Variants in PTPRD observed in about 807,000 individuals in gnomAD.
PTPRD encodes protein tyrosine phosphatase receptor type D.
Under a neutral mutation model 214.5 loss-of-function variants are expected in PTPRD, and 34 were observed. That is an observed-to-expected ratio of 0.16 (90% CI 0.12 to 0.21). PTPRD has a LOEUF of 0.21. Among genes scored for constraint, PTPRD ranks in the 10% least tolerant of loss-of-function variants. The probability of loss-of-function intolerance (pLI) is 1.00; values close to 1 mark genes in which losing one functional copy is unlikely to be tolerated. For missense variants in PTPRD, 2,545 were observed against 2,398.7 expected, an observed-to-expected ratio of 1.06 and a Z score of -1.27; for synonymous variants, 1,128 against 845.7, an observed-to-expected ratio of 1.33 and a Z score of -5.79.
intron 3 of PTPRD, among the ~76,000 whole-genome samples, chr9:10,292,875 T>C (rs2095569356): frequency 1.3e-5 from 2 of 152,038 alleles, no homozygotes; most frequent in South Asian, 2.1e-4. Flanking sequence ...ATAATGTGTG[T>C]ATATAAATTA....
At chr9:8,950,751 C>G (rs2099097307) in intron 11 of PTPRD, among the ~76,000 whole-genome samples, 1 of 150,358 alleles carries the variant, frequency 6.7e-6, no homozygotes, top group Admixed American at 6.6e-5. Context: ...AAGAGCGATT[C>G]CTGACCCACT....
chr9:9,796,528 A>T (rs1256005568), intron 5 of PTPRD, among the ~76,000 whole-genome samples: 1 of 152,164 alleles, frequency 6.6e-6, no homozygotes, highest in Non-Finnish European at 1.5e-5. Flanking sequence ...AAAGTAGATG[A>T]GAATTCTCAG....
intron 9 of PTPRD, among the ~76,000 whole-genome samples, chr9:9,221,795 G>A (rs569064576): frequency 1.3e-5 from 2 of 151,930 alleles, no homozygotes; most frequent in African/African-American, 2.4e-5. Context: ...AATCTGTCAC[G>A]TGTAGCAGAA....
chr9:10,511,090 C>A (rs1363286176), intron 2 of PTPRD, among the ~76,000 whole-genome samples: 1 of 152,104 alleles, frequency 6.6e-6, no homozygotes, highest in Non-Finnish European at 1.5e-5. Context: ...GTGTGAACAA[C>A]AGTGTATCCT....
At chr9:8,334,571 C>A (rs1344492558) in intron 43 of PTPRD, among the ~76,000 whole-genome samples, 3 of 132,520 alleles carry the variant, frequency 2.3e-5, no homozygotes, top group East Asian at 2.0e-4. Context: ...GCACTAAATG[C>A]CCACAAGAGA....
chr9:10,080,165 G>A (rs980052655), intron 3 of PTPRD, among the ~76,000 whole-genome samples: 2 of 152,074 alleles, frequency 1.3e-5, no homozygotes, highest in African/African-American at 2.4e-5. Context: ...CTCTGTAACA[G>A]CCTGACAGCA....
At chr9:8,857,012 GA>G (rs1239686347) in intron 11 of PTPRD, among the ~76,000 whole-genome samples, 2 of 152,128 alleles carry the variant, frequency 1.3e-5, no homozygotes, top group African/African-American at 2.4e-5. Context: ...CATTATAAAA[GA>G]TGCGTTCCCT....
At chr9:9,997,940 C>G (rs915069465) in intron 4 of PTPRD, among the ~76,000 whole-genome samples, 1 of 151,560 alleles carries the variant, frequency 6.6e-6, no homozygotes, top group African/African-American at 2.4e-5. Flanking sequence ...AGGTTTTTCA[C>G]AGGCTACATG....
intron 10 of PTPRD, among the ~76,000 whole-genome samples, chr9:9,140,063 G>A (rs560830098): frequency 1.3e-5 from 2 of 151,912 alleles, no homozygotes; most frequent in South Asian, 4.2e-4. Context: ...TTATAGTCAG[G>A]AAACCAAAGT....
intron 14 of PTPRD, among the ~76,000 whole-genome samples, chr9:8,558,982 G>C (rs1274863963): frequency 6.6e-6 from 1 of 152,024 alleles, no homozygotes; most frequent in East Asian, 1.9e-4. Flanking sequence ...TTCACAAGAA[G>C]TACAACTGCG....
At chr9:8,990,234 A>T (rs1196012162) in intron 11 of PTPRD, among the ~76,000 whole-genome samples, 1 of 152,178 alleles carries the variant, frequency 6.6e-6, no homozygotes, top group Non-Finnish European at 1.5e-5. Flanking sequence ...AAGAAGAGAG[A>T]TTGCAACACA....
At chr9:8,321,775 C>T (rs928171878) in intron 44 of PTPRD, among the ~76,000 whole-genome samples, 2 of 151,218 alleles carry the variant, frequency 1.3e-5, no homozygotes, top group Admixed American at 6.6e-5. Flanking sequence ...TAATTCAATC[C>T]CAATATATAC....
chr9:10,306,277 T>TGG (rs1394892710), intron 3 of PTPRD, among the ~76,000 whole-genome samples: 1 of 42,410 alleles, frequency 2.4e-5, no homozygotes, highest in African/African-American at 6.2e-5. Context: ...TGTCGTGGGG[T>TGG]GGGGGGGGCT....
chr9:10,389,150 G>T (rs1462800127), intron 2 of PTPRD, among the ~76,000 whole-genome samples: 1 of 151,770 alleles, frequency 6.6e-6, no homozygotes, highest in Non-Finnish European at 1.5e-5. Flanking sequence ...TTCAGCAGCT[G>T]TTATGTGTAC....
At chr9:9,003,834 C>T (rs1354069519) in intron 11 of PTPRD, among the ~76,000 whole-genome samples, 2 of 152,048 alleles carry the variant, frequency 1.3e-5, no homozygotes, top group African/African-American at 4.8e-5. Context: ...TCAGAAAACT[C>T]GCAATCTGTA....
At position 9,786,083 on chromosome 9, in the gene PTPRD, T is replaced by A. The variant is rs78269431; in HGVS notation, c.-367-19232A>T. Among the ~76,000 whole-genome samples, 882 of 152,308 alleles carry A rather than the reference T, an allele frequency of 5.8e-3. 56 individuals carry two copies. The East Asian group carries it at 0.14, about 25-fold the overall frequency. ...TTTCATTATCAATAATACAAACCAA[T>A]GGCCTAAGCCTGTTTTCTATTATTA... On this transcript the variant is annotated intron_variant, in intron 5 of 45. Transcript: ENST00000381196.
intron 5 of PTPRD, among the ~76,000 whole-genome samples, chr9:9,790,150 A>T (rs1293263047): frequency 6.6e-6 from 1 of 152,136 alleles, no homozygotes; most frequent in East Asian, 1.9e-4. Flanking sequence ...TTAGCTCTCC[A>T]TCCTCAGATT....
intron 5 of PTPRD, among the ~76,000 whole-genome samples, chr9:9,850,253 G>A (rs143920638): frequency 3.9e-5 from 6 of 152,088 alleles, no homozygotes; most frequent in East Asian, 1.9e-4. Context: ...GGTTTCAGAC[G>A]CATTCTAAAC....
At position 9,140,870 on chromosome 9, in the gene PTPRD, A is replaced by G. The variant is rs542959836; in HGVS notation, c.-143+42434T>C. ...TGGGATTACAGGCGTGAGCCACCGT[A>G]CCCGGCCAAACAGTGCTACATCTTT... On this transcript the variant is annotated intron_variant, in intron 10 of 45. Transcript: ENST00000381196. Among the ~76,000 whole-genome samples, 693 of 152,038 alleles carry G rather than the reference A, an allele frequency of 4.6e-3. 8 individuals are homozygous for G. The highest frequency in any genetic ancestry group is 0.016 in the African/African-American group (651 of 41,504).
Sources: allele counts gnomAD v4.1 joint callset (sites outside exome capture counted in the v4.1 genomes callset), GRCh38; gene constraint gnomAD v4.1.1; transcripts MANE v1.5; gene names NCBI Gene and HGNC (gene_info 2026-07-23, HGNC 2026-07-21).